Variants in FCHO2 observed in about 807,000 individuals in gnomAD.
FCHO2 encodes FCH and mu domain containing endocytic adaptor 2.
In FCHO2, 43 loss-of-function variants were observed where a neutral mutation model predicts 114.1. The observed-to-expected ratio is 0.38, with a 90% CI of 0.30 to 0.49. The LOEUF is 0.49. FCHO2 is among the 20% of genes least tolerant of loss of function. The pLI, the probability that FCHO2 is intolerant of heterozygous loss-of-function variation, is 0.97. For missense variants in FCHO2, 807 were observed against 950.4 expected (o/e 0.85, Z 1.98); for synonymous variants, 293 against 315.2 (o/e 0.93, Z 0.75).
At chr5:73,064,067 G>C (rs990630194) in intron 18 of FCHO2, 123 bp downstream of exon 18, 33 of 907,392 alleles carry the variant, frequency 3.6e-5, no homozygotes, top group Non-Finnish European at 5.1e-5. Context: ...TCACAGTATA[G>C]AAAAATTTTC....
rs909567354 is a variant in FCHO2, at chr5:72,997,382, G to A, written c.495+6518G>A. ...AAGCATTCTTAAGACGAGATACTAC[G>A]GACAGCACTGCACTTTGGAGTTGGG... On this transcript the variant is annotated intron_variant, in intron 5 of 25. Transcript: ENST00000430046. 3.6e-5 allele frequency: 58 copies of A among 1,592,944 alleles called. No individual in the cohort carries two copies. The East Asian group carries it at 1.1e-3, about 31-fold the overall frequency.
At chr5:73,017,096 T>C in intron 7 of FCHO2, 116 bp from the exon 8 acceptor site, 1 of 623,180 alleles carries the variant, frequency 1.6e-6, no homozygotes, top group South Asian at 2.9e-5. Flanking sequence ...TCAAAGGGCC[T>C]TGGGTCAAAA....
At chr5:73,056,140 A>C in intron 16 of FCHO2, 33 bp downstream of exon 16, 2 of 1,491,556 alleles carry the variant, frequency 1.3e-6, no homozygotes, top group South Asian at 2.6e-5. Flanking sequence ...GTTAAAAAAT[A>C]GACTTTATTT....
chr5:73,071,535 T>C (rs1267470591), intron 19 of FCHO2, among the ~76,000 whole-genome samples: 7 of 152,060 alleles, frequency 4.6e-5, no homozygotes, highest in Admixed American at 4.6e-4. Context: ...ATAAGCTCTC[T>C]ACATTTTCAA....
rs996348619 is a variant in FCHO2, at chr5:73,063,858, C to T, written c.1363C>T (p.Leu455Phe). 5 of 1,611,752 alleles carry T rather than the reference C, an allele frequency of 3.1e-6. No individual in the cohort carries two copies. Among genetic ancestry groups the T allele is most frequent in the African/African-American group, 1.3e-5 (1 of 74,806 alleles). Residue 455 changes from leucine to phenylalanine, a missense_variant, in exon 18 of 26, where the codon CTT (leucine) becomes TTT (phenylalanine). Leu to Phe is a conservative substitution (Grantham distance 22). Transcript: ENST00000430046. ...TCAACCAGCCAGGCCCACAACTCCT[C>T]TTTCTGTAGGCACCATTGTCCCACC... ...SSSSARPTTP[L>F]SVGTIVPPPR...
intron 9 of FCHO2, among the ~76,000 whole-genome samples, chr5:73,036,703 G>T (rs1290295718): frequency 2.0e-5 from 3 of 152,082 alleles, no homozygotes; most frequent in African/African-American, 7.2e-5. Flanking sequence ...TGGGTCTGCT[G>T]TATCATCTTT....
intron 6 of FCHO2, among the ~76,000 whole-genome samples, chr5:73,012,116 C>T (rs1049434230): frequency 6.6e-6 from 1 of 152,076 alleles, no homozygotes; most frequent in African/African-American, 2.4e-5. Context: ...ATGTGCTATG[C>T]GGTACTTTTA....
intron 17 of FCHO2, among the ~76,000 whole-genome samples, chr5:73,062,812 C>G (rs1025235349): frequency 1.3e-5 from 2 of 151,994 alleles, no homozygotes; most frequent in African/African-American, 4.8e-5. Flanking sequence ...CTTGATTCCT[C>G]CATTGATGAT....
At chr5:73,082,575 T>A (rs1335708936) in intron 23 of FCHO2, among the ~76,000 whole-genome samples, 186 bp from the exon 24 acceptor site, 1 of 152,238 alleles carries the variant, frequency 6.6e-6, no homozygotes, top group East Asian at 1.9e-4. Flanking sequence ...TTCCATTAAT[T>A]GAAAAAGATA....
At chr5:72,970,006 A>G (rs1752432795) in intron 2 of FCHO2, among the ~76,000 whole-genome samples, 2 of 152,158 alleles carry the variant, frequency 1.3e-5, no homozygotes, top group Admixed American at 1.3e-4. Flanking sequence ...CCCAGCTATC[A>G]TTATTTTTGC....
chr5:73,015,743 T>C lies in FCHO2; in HGVS notation c.699+19T>C, dbSNP rs367687360. On this transcript the variant is annotated intron_variant, in intron 7 of 25. Transcript: ENST00000430046. ...AGGCCAGGTAAGTTTTTTTACTTTA[T>C]GTTGAACTATTCATGAAAAATTTGT... 1 of 1,443,048 alleles carries C rather than the reference T, an allele frequency of 6.9e-7. No homozygotes were observed. Among genetic ancestry groups the C allele is most frequent in the Non-Finnish European group, 9.4e-7 (1 of 1,068,860 alleles). 89.4% of individuals were successfully genotyped at this position (1,443,048 alleles called of 1,614,324 possible). A position where few individuals can be genotyped will look rare whatever the true frequency, so the allele number is the denominator to read the frequency against.
rs540854232 is a variant in FCHO2, at chr5:73,089,772, A to C, written c.*1682A>C. Reference sequence around the variant, plus strand: ...ATTTATGTAACATCTTGCTGTACTAAATACAGCAGAAAATCTACTCTTTAG... The same window carrying C: ...ATTTATGTAACATCTTGCTGTACTACATACAGCAGAAAATCTACTCTTTAG... On this transcript the variant is annotated 3_prime_UTR_variant, in exon 26 of 26. Coordinates refer to ENST00000430046, the MANE Select transcript of FCHO2 (RefSeq NM_138782.3). 10 of 152,692 alleles carry C rather than the reference A, an allele frequency of 6.5e-5. No individual in the cohort carries two copies. Among genetic ancestry groups the C allele is most frequent in the Non-Finnish European group, 7.4e-5 (5 of 67,944 alleles). The allele number at this position is 152,692 out of a possible 1,614,324, so 9.5% of individuals were successfully genotyped here. A position where few individuals can be genotyped will look rare whatever the true frequency, so the allele number is the denominator to read the frequency against.
At chr5:73,005,654 G>A (rs1196184182) in intron 5 of FCHO2, among the ~76,000 whole-genome samples, 1 of 152,048 alleles carries the variant, frequency 6.6e-6, no homozygotes, top group African/African-American at 2.4e-5. Context: ...CTGTGTATCT[G>A]CTTCAACCTA....
intron 11 of FCHO2, among the ~76,000 whole-genome samples, chr5:73,042,905 T>A (rs1756872652): frequency 6.6e-6 from 1 of 152,180 alleles, no homozygotes; most frequent in Admixed American, 6.5e-5. Flanking sequence ...CTAATCATAT[T>A]GGCAAATTTC....
intron 17 of FCHO2, among the ~76,000 whole-genome samples, chr5:73,060,919 C>T (rs1757820928): frequency 6.6e-6 from 1 of 150,728 alleles, no homozygotes; most frequent in African/African-American, 2.4e-5. Flanking sequence ...AAAAATTTAA[C>T]ATAAATATCT....
intron 1 of FCHO2, among the ~76,000 whole-genome samples, chr5:72,961,575 G>C (rs1579994749): frequency 6.6e-6 from 1 of 151,858 alleles, no homozygotes; most frequent in Admixed American, 6.6e-5. Flanking sequence ...GTCCCTAAAG[G>C]CAATCACCAT....
At chr5:72,997,177 G>C in intron 5 of FCHO2, 1 of 1,120,162 alleles carries the variant, frequency 8.9e-7, no homozygotes, top group Non-Finnish European at 1.4e-6. Context: ...GGCCTGGAAC[G>C]CCTCCTGACT....
chr5:72,997,055 C>G (rs1646792946), intron 5 of FCHO2: 2 of 1,307,652 alleles, frequency 1.5e-6, no homozygotes, highest in African/African-American at 2.9e-5. Flanking sequence ...TGATATCATC[C>G]CCTTATCTTC....
rs1751537286 is a variant in FCHO2 at position 72,956,352 on chromosome 5, G to C, written c.33+223G>C. On this transcript the variant is annotated intron_variant, in intron 1 of 25. Transcript: ENST00000430046. Reference sequence around the variant, plus strand: ...GGACGGGGGCTGTCACCGCGGCCCGGGGGCCCGCAGCGGGGCCGCCGGCCA... The same window carrying C: ...GGACGGGGGCTGTCACCGCGGCCCGCGGGCCCGCAGCGGGGCCGCCGGCCA... Among the ~76,000 whole-genome samples the C allele has an allele frequency of 3.3e-5, 5 of 151,686 alleles. No homozygotes were observed. In the South Asian group the frequency reaches 1.0e-3, roughly 31 times the overall value.
Sources: gnomAD v4.1 joint callset for allele counts (sites outside exome capture counted in the v4.1 genomes callset) on GRCh38, gnomAD v4.1.1 for gene constraint, MANE v1.5 for transcripts, NCBI Gene and HGNC (gene_info 2026-07-23, HGNC 2026-07-21) for gene names.